ADCY2: variants seen among roughly 807,000 people sequenced by gnomAD.
ADCY2 encodes adenylate cyclase type 2.
In ADCY2, 31 loss-of-function variants were observed where a neutral mutation model predicts 125.2. The ratio of observed to expected loss-of-function variants is 0.25; its 90% confidence interval spans 0.19 to 0.33. The LOEUF (loss-of-function observed/expected upper bound fraction) is 0.33. ADCY2 is among the 10% of genes least tolerant of loss of function. The pLI, the probability that ADCY2 is intolerant of heterozygous loss-of-function variation, is 1.00. For missense variants in ADCY2, 904 were observed against 1,418.2 expected, an observed-to-expected ratio of 0.64 and a Z score of 5.82; for synonymous variants, 512 against 548.4, an observed-to-expected ratio of 0.93 and a Z score of 0.93.
At chr5:7,474,729 G>A (rs1404296357) in intron 2 of ADCY2, among the ~76,000 whole-genome samples, 1 of 152,198 alleles carries the variant, frequency 6.6e-6, no homozygotes. Context: ...AGAAGCTTGG[G>A]TTTTACTGTA....
At chr5:7,724,459 G>T in intron 12 of ADCY2, 86 bp from the exon 13 acceptor site, 4 of 933,842 alleles carry the variant, frequency 4.3e-6, no homozygotes, top group Non-Finnish European at 6.8e-6. Context: ...AATAAAGAAA[G>T]AAGATCGCAA....
intron 9 of ADCY2, chr5:7,708,049 T>G (rs1741316993): frequency 1.9e-6 from 1 of 515,216 alleles, no homozygotes; most frequent in African/African-American, 2.0e-5. Flanking sequence ...GCACTGCTTT[T>G]CTGCAGGGGT....
intron 3 of ADCY2, among the ~76,000 whole-genome samples, chr5:7,596,342 G>A (rs866595355): frequency 6.6e-5 from 10 of 151,920 alleles, no homozygotes; most frequent in African/African-American, 1.9e-4. Context: ...AGGTCCACAC[G>A]AATAAGTATC....
intron 4 of ADCY2, among the ~76,000 whole-genome samples, chr5:7,635,565 G>C (rs1738470804): frequency 6.6e-6 from 1 of 152,088 alleles, no homozygotes; most frequent in Non-Finnish European, 1.5e-5. Flanking sequence ...ATCCAGATTT[G>C]AGTTTTTAAC....
intron 2 of ADCY2, among the ~76,000 whole-genome samples, chr5:7,458,478 C>G (rs751397869): frequency 1.3e-5 from 2 of 152,096 alleles, no homozygotes; most frequent in African/African-American, 2.4e-5. Context: ...TAGAGATGCT[C>G]TTTTATTTTT....
intron 19 of ADCY2, among the ~76,000 whole-genome samples, chr5:7,785,663 G>A (rs1744062114): frequency 6.6e-6 from 1 of 152,048 alleles, no homozygotes; most frequent in South Asian, 2.1e-4. Flanking sequence ...TTATAATTTA[G>A]ATGTGAGAGA....
rs376375205 is a variant in ADCY2 at position 7,540,851 on chromosome 5, G to C, written c.570+19952G>C. 1.4e-3 allele frequency among the ~76,000 whole-genome samples: 208 copies of C among 152,270 alleles called. 1 individual carries two copies. The highest frequency in any genetic ancestry group is 4.6e-3 in the African/African-American group (190 of 41,566). On this transcript the variant is annotated intron_variant, in intron 3 of 24. Transcript: ENST00000338316. ...TCATTTGAATTTGGTCCGGATTCAGGGGGTGGGAGCAAGGGAAGATCAGAG... is the reference window on the plus strand; with the variant it reads ...TCATTTGAATTTGGTCCGGATTCAGCGGGTGGGAGCAAGGGAAGATCAGAG...
At position 7,726,376 on chromosome 5, in the gene ADCY2, G is replaced by T. The variant is rs527479870; in HGVS notation, c.1774-788G>T. 3.9e-5 allele frequency among the ~76,000 whole-genome samples: 6 copies of T among 152,318 alleles called. No homozygotes were observed. The East Asian group carries it at 1.2e-3, about 29-fold the overall frequency. On this transcript the variant is annotated intron_variant, in intron 13 of 24. Transcript: ENST00000338316. ...TCTTCATCCAAAAATAGGGGCTGTTGTGTGGATTGAATGATTAGTACAGGG... is the reference window on the plus strand; with the variant it reads ...TCTTCATCCAAAAATAGGGGCTGTTTTGTGGATTGAATGATTAGTACAGGG...
intron 3 of ADCY2, among the ~76,000 whole-genome samples, chr5:7,522,787 G>A (rs1299272568): frequency 4.1e-5 from 6 of 146,354 alleles, no homozygotes; most frequent in South Asian, 2.2e-4. Context: ...TTAGCCGGGC[G>A]TGGTGGTGGG....
In ADCY2 at chr5:7,666,067, T is replaced by C. The variant is rs528652716; in HGVS notation, c.721-24624T>C. Among the ~76,000 whole-genome samples, 29 of 151,324 alleles carry C rather than the reference T, an allele frequency of 1.9e-4. No individual in the cohort carries two copies. In the South Asian group the frequency reaches 2.5e-3, roughly 13 times the overall value. Reference sequence around the variant, plus strand: ...GTTAGCCAGGATGGTCTCGATCTCCTGACCTCGTGATCCGCCCGCCTTGGC... The same window carrying C: ...GTTAGCCAGGATGGTCTCGATCTCCCGACCTCGTGATCCGCCCGCCTTGGC... On this transcript the variant is annotated intron_variant, in intron 4 of 24. Transcript: ENST00000338316.
intron 2 of ADCY2, among the ~76,000 whole-genome samples, chr5:7,490,200 A>G (rs563971171): frequency 2.2e-4 from 33 of 152,300 alleles, no homozygotes; most frequent in African/African-American, 7.2e-4. Context: ...TATTACAACT[A>G]GTAGGTGTTG....
intron 3 of ADCY2, among the ~76,000 whole-genome samples, chr5:7,603,277 G>A (rs1459845621): frequency 6.6e-6 from 1 of 152,158 alleles, no homozygotes; most frequent in Middle Eastern, 3.2e-3. Flanking sequence ...TAGCCAGGTA[G>A]AAGGGGTGGG....
At chr5:7,489,913 G>C (rs919779936) in intron 2 of ADCY2, among the ~76,000 whole-genome samples, 1 of 152,168 alleles carries the variant, frequency 6.6e-6, no homozygotes, top group Non-Finnish European at 1.5e-5. Context: ...CTGATGTGGA[G>C]ACTTGAGCTG....
intron 22 of ADCY2, among the ~76,000 whole-genome samples, chr5:7,813,341 T>G (rs1224420462): frequency 2.0e-5 from 3 of 152,212 alleles, no homozygotes; most frequent in African/African-American, 7.2e-5. Flanking sequence ...TTATGTTTAT[T>G]TTAGCCTAAA....
chr5:7,657,139 A>C (rs1739366463), intron 4 of ADCY2, among the ~76,000 whole-genome samples: 1 of 152,258 alleles, frequency 6.6e-6, no homozygotes, highest in Non-Finnish European at 1.5e-5. Flanking sequence ...ATATGCAAAT[A>C]TTCCAAGAAC....
intron 5 of ADCY2, among the ~76,000 whole-genome samples, chr5:7,693,251 T>C (rs1740764028): frequency 6.6e-6 from 1 of 152,058 alleles, no homozygotes; most frequent in Non-Finnish European, 1.5e-5. Flanking sequence ...CTGACCTGCC[T>C]GCGTCCAGGT....
chr5:7,809,513 TA>T (rs1561025893), intron 22 of ADCY2, among the ~76,000 whole-genome samples: 1 of 152,264 alleles, frequency 6.6e-6, no homozygotes, highest in African/African-American at 2.4e-5. Context: ...AAATACTTTC[TA>T]TTTATTGTTT....
chr5:7,664,287 G>A (rs986938226), intron 4 of ADCY2, among the ~76,000 whole-genome samples: 3 of 152,072 alleles, frequency 2.0e-5, no homozygotes, highest in African/African-American at 4.8e-5. Flanking sequence ...CAGCTGAATT[G>A]AAAACTCATT....
chr5:7,789,646 A>G lies in ADCY2; in HGVS notation c.2474A>G (p.Glu825Gly). Residue 825 changes from glutamate to glycine, a missense_variant, in exon 20 of 25, where the codon GAA becomes GGA. This residue lies in a region of ADCY2 where 181 missense variants were observed against 381.6 expected (regional missense o/e 0.47). Transcript: ENST00000338316. ...ITLLVLGRQN[E>G]YYCRLDFLWK... is the part of the protein sequence containing the mutation. The stretch of plus-strand genomic sequence containing the variant: ...CTCTGTGTCCTCTTGTAACAGAATG[A>G]ATATTACTGTAGGTTAGACTTCTTA... 2 of 1,613,544 alleles carry G rather than the reference A, an allele frequency of 1.2e-6. No individual in the cohort carries two copies. Among genetic ancestry groups the G allele is most frequent in the Non-Finnish European group, 1.7e-6 (2 of 1,179,736 alleles).
Sources: allele counts gnomAD v4.1 joint callset (sites outside exome capture counted in the v4.1 genomes callset), GRCh38; gene constraint gnomAD v4.1.1; regional missense constraint gnomAD v4.1.1; transcripts MANE v1.5; gene names NCBI Gene and HGNC (gene_info 2026-07-23, HGNC 2026-07-21).